DYSF: variants seen among roughly 807,000 people sequenced by gnomAD.
DYSF encodes dysferlin.
A neutral mutation model predicts 274.9 loss-of-function variants in DYSF; 212 were observed. The ratio of observed to expected loss-of-function variants is 0.77; its 90% CI spans 0.69 to 0.86. The LOEUF is 0.86. DYSF is among the 40% of genes least tolerant of loss of function. The pLI is 0.00. For missense variants in DYSF, 2,666 were observed against 2,783.2 expected (o/e 0.96, Z 0.95); for synonymous variants, 1,091 against 1,078.7 (o/e 1.01, Z -0.22).
In DYSF at chr2:71,514,971, CA is replaced by C. The variant is rs60727651; in HGVS notation, c.760-641del. ...ATATCCTCCCATATTATGCAATTTA[CA>C]AAAAAAAAAACAGTTGGTCAGTAAA... On this transcript the variant is annotated intron_variant, in intron 7 of 55. Transcript: ENST00000410020. Among the ~76,000 whole-genome samples, 377 of 138,484 alleles carry C rather than the reference CA, an allele frequency of 2.7e-3. 2 individuals carry two copies. Among genetic ancestry groups the C allele is most frequent in the Middle Eastern group, 7.4e-3 (2 of 272 alleles). 90.9% of individuals were successfully genotyped at this position (138,484 alleles called of 152,430 possible).
rs2152713989 is a variant in DYSF at position 71,502,266 on chromosome 2, A to AAAAGGGATG, written c.240-946_240-938dup. ...TCCAATCAATATTTGCAGAGACCAG[A>AAAAGGGATG]AAAGGGATGAGCCCAGATGACAGGT... On this transcript the variant is annotated intron_variant, in intron 3 of 55. Coordinates refer to ENST00000410020, the MANE Select transcript of DYSF (RefSeq NM_001130987.2). Among the ~76,000 whole-genome samples the AAAAGGGATG allele has an allele frequency of 2.6e-5, 4 of 152,294 alleles. No individual in the cohort carries two copies. The South Asian group carries it at 8.3e-4, about 32-fold the overall frequency.
At chr2:71,472,972 C>A (rs529891624) in intron 1 of DYSF, among the ~76,000 whole-genome samples, 212 of 152,292 alleles carry the variant, frequency 1.4e-3, no homozygotes, top group African/African-American at 4.7e-3. Context: ...ATGTAAATAT[C>A]TTCCCCAGGC....
intron 52 of DYSF, among the ~76,000 whole-genome samples, chr2:71,676,575 G>A (rs1341503938): frequency 1.3e-5 from 2 of 150,896 alleles, no homozygotes; most frequent in African/African-American, 2.4e-5. Context: ...TGAATTTATG[G>A]CATCAATCTT....
intron 21 of DYSF, 79 bp downstream of exon 21, chr2:71,554,010 C>T (rs2091157022): frequency 1.9e-6 from 3 of 1,601,548 alleles, no homozygotes; most frequent in Non-Finnish European, 1.7e-6. Flanking sequence ...TCTCAGACCA[C>T]CACCCACTGG....
At position 71,627,296 on chromosome 2, in the gene DYSF, C is replaced by T. The variant is rs1027360472; in HGVS notation, c.4527+6687C>T. On this transcript the variant is annotated intron_variant, in intron 41 of 55. Transcript: ENST00000410020. ...CTGACAAGTAATATTTTTGTTATTT[C>T]CCATTCTGAGTATTTTCGGATTTTT... Among the ~76,000 whole-genome samples, 257 of 151,860 alleles carry T rather than the reference C, an allele frequency of 1.7e-3. 6 individuals are homozygous for T. The highest frequency in any genetic ancestry group is 6.8e-3 in the Middle Eastern group (2 of 294).
intron 30 of DYSF, among the ~76,000 whole-genome samples, chr2:71,581,158 C>T (rs1002588933): frequency 7.2e-5 from 11 of 152,212 alleles, no homozygotes; most frequent in Non-Finnish European, 1.3e-4. Context: ...CTCCAGTGTT[C>T]TCTGCAACAT....
In DYSF at chr2:71,597,484, C is replaced by G. The variant is rs151027378; in HGVS notation, c.3575-1080C>G. On this transcript the variant is annotated intron_variant, in intron 32 of 55. Transcript: ENST00000410020. ...GTCCCAGAAGGCAGCATGAGCATCA[C>G]TTTTAGGAACTTGTTAGAAATGCAC... Among the ~76,000 whole-genome samples, 101 of 152,310 alleles carry G rather than the reference C, an allele frequency of 6.6e-4. No individual in the cohort carries two copies. The East Asian group carries it at 0.012, about 18-fold the overall frequency.
chr2:71,488,749 AT>A, intron 3 of DYSF, among the ~76,000 whole-genome samples: 1 of 152,090 alleles, frequency 6.6e-6, no homozygotes, highest in Non-Finnish European at 1.5e-5. Flanking sequence ...TCACAGTGGC[AT>A]TTTCTTTGGA....
chr2:71,644,023 A>T lies in DYSF; in HGVS notation c.4586A>T (p.Lys1529Met), dbSNP rs527574888. Reference sequence around the variant, plus strand: ...TTTGCCTCCATAGGGGAGAGGGAAAAGTGCGGCTCCTACCTGGAGAAGGAT... The same window carrying T: ...TTTGCCTCCATAGGGGAGAGGGAAATGTGCGGCTCCTACCTGGAGAAGGAT... Reference protein sequence around the residue: ...KFFASIGEREKCGSYLEKDFD... With the variant: ...KFFASIGEREMCGSYLEKDFD... Residue 1529 changes from lysine (K) to methionine (M), a missense_variant, in exon 42 of 56, where the codon AAG becomes ATG. Coordinates refer to ENST00000410020, the MANE Select transcript of DYSF (RefSeq NM_001130987.2). 28 of 1,612,638 alleles carry T rather than the reference A, an allele frequency of 1.7e-5. 1 individual carries two copies. In the South Asian group the frequency reaches 2.9e-4, roughly 17 times the overall value.
intron 17 of DYSF, among the ~76,000 whole-genome samples, chr2:71,541,926 G>C (rs973863629): frequency 1.3e-5 from 2 of 152,002 alleles, no homozygotes; most frequent in African/African-American, 4.8e-5. Flanking sequence ...TCTTGGTACA[G>C]GACACTTTCC....
chr2:71,675,950 A>G (rs2152963771), intron 52 of DYSF, among the ~76,000 whole-genome samples: 1 of 152,146 alleles, frequency 6.6e-6, no homozygotes. Flanking sequence ...TTTTTGAAAA[A>G]CCTAATATTC....
intron 30 of DYSF, among the ~76,000 whole-genome samples, chr2:71,576,648 A>G (rs2092708535): frequency 6.6e-6 from 1 of 152,172 alleles, no homozygotes; most frequent in Non-Finnish European, 1.5e-5. Context: ...GACAGAGCTG[A>G]CGGCTGCCTG....
Position 71,553,061 on chromosome 2 carries a change from C to A in DYSF, c.1857C>A (p.Ala619=), listed in dbSNP as rs2091067615. 3 of 1,614,082 alleles carry A rather than the reference C, an allele frequency of 1.9e-6. No individual in the cohort carries two copies. Among genetic ancestry groups the A allele is most frequent in the Non-Finnish European group, 2.5e-6 (3 of 1,180,046 alleles). The change falls in exon 20 of 56, where the codon GCC becomes GCA. Residue 619 remains alanine (A), a synonymous_variant. Coordinates refer to ENST00000410020, the MANE Select transcript of DYSF (RefSeq NM_001130987.2). ...CCCTGTTTGCGGCCTTCTACTCAGC[C>A]ACCATGCTGCAGGATGTGGATGATG... is the stretch of plus-strand genomic sequence containing the variant. ...KYSLFAAFYS[A]TMLQDVDDAI... is the part of the protein sequence containing the mutation.
upstream of DYSF, among the ~76,000 whole-genome samples, chr2:71,464,916 T>C (rs963078306): frequency 1.3e-4 from 20 of 151,948 alleles, no homozygotes; most frequent in Non-Finnish European, 2.5e-4. Flanking sequence ...ATTTTGGACA[T>C]ATTTTGAAGG....
chr2:71,601,198 T>C, intron 34 of DYSF: 1 of 592,350 alleles, frequency 1.7e-6, no homozygotes, highest in South Asian at 2.0e-5. Context: ...CCTAGCCTCA[T>C]GGCCCTGGGC....
At chr2:71,601,674 C>G (rs996866717) in intron 35 of DYSF, 146 bp downstream of exon 35, 2 of 1,087,654 alleles carry the variant, frequency 1.8e-6, no homozygotes, top group Non-Finnish European at 1.4e-6. Flanking sequence ...GAGGAGGGCC[C>G]GGGCTGGAGG....
At chr2:71,620,707 A>G in intron 41 of DYSF, 98 bp downstream of exon 41, 1 of 1,280,116 alleles carries the variant, frequency 7.8e-7, no homozygotes, top group South Asian at 1.3e-5. Context: ...GTGGGAGGGA[A>G]GAAAGGAGGT....
chr2:71,594,846 A>G (rs571196055), intron 32 of DYSF, among the ~76,000 whole-genome samples: 5 of 152,266 alleles, frequency 3.3e-5, no homozygotes, highest in Non-Finnish European at 7.4e-5. Context: ...CTGCCCCTGT[A>G]TACTCCACTA....
intron 41 of DYSF, among the ~76,000 whole-genome samples, chr2:71,628,031 A>G (rs1359053662): frequency 6.6e-6 from 1 of 152,124 alleles, no homozygotes; most frequent in Non-Finnish European, 1.5e-5. Flanking sequence ...TGTTTAATGC[A>G]TTCTGACAAT....
Sources: allele counts gnomAD v4.1 joint callset (sites outside exome capture counted in the v4.1 genomes callset), GRCh38; gene constraint gnomAD v4.1.1; transcripts MANE v1.5; gene names NCBI Gene and HGNC (gene_info 2026-07-23, HGNC 2026-07-21).